The following NRSN2 variants were observed in gnomAD, a reference collection of about 807,000 sequenced individuals.
NRSN2 encodes the protein neurensin-2.
Under a neutral mutation model 11.1 loss-of-function variants are expected in NRSN2, and 10 were observed. The ratio of observed to expected loss-of-function variants is 0.90; its 90% CI spans 0.56 to 1.53. The LOEUF is 1.53. NRSN2 is among the 40% of genes most tolerant of loss of function. The pLI, the probability that NRSN2 is intolerant of heterozygous loss-of-function variation, is 0.00. For synonymous variants in NRSN2, 100 were observed against 117.0 expected, an observed-to-expected ratio of 0.86 and a Z score of 0.94; for missense variants, 260 against 273.7, an observed-to-expected ratio of 0.95 and a Z score of 0.35.
rs1951920889 is a variant in NRSN2 at position 347,156 on chromosome 20, TG to T, written c.-201+15del. On this transcript the variant is annotated intron_variant, in intron 1 of 4. Transcript: ENST00000382285. The surrounding 1 kb of genome is among the most constrained non-coding windows in gnomAD (Gnocchi z 7.0). ...GCAGGCAGAGAGGTGAGCTTAGCCC[TG>T]CCCCACGCGCGGCCAGGCCCCAGCC... 1 of 152,274 alleles carries T rather than the reference TG, an allele frequency of 6.6e-6. No individual in the cohort carries two copies. Among genetic ancestry groups the T allele is most frequent in the South Asian group, 2.1e-4 (1 of 4,830 alleles). 9.4% of individuals were successfully genotyped at this position (152,274 alleles called of 1,614,324 possible). A position where few individuals can be genotyped will look rare whatever the true frequency, so the allele number is the denominator to read the frequency against.
chr20:348,523 G>GTA (rs1284708709), intron 2 of NRSN2: 7 of 152,698 alleles, frequency 4.6e-5, no homozygotes, highest in African/African-American at 1.7e-4. Flanking sequence ...GTGTGTGTGT[G>GTA]TGTGTCGTAC....
At position 353,912 on chromosome 20, in the gene NRSN2, A is replaced by C; in HGVS notation, c.*277A>C. The C allele has an allele frequency of 1.3e-5, 6 of 468,998 alleles. No individual in the cohort carries two copies. The highest frequency in any genetic ancestry group is 4.1e-5 in the Admixed American group (1 of 24,432). The allele number at this position is 468,998 out of a possible 1,614,324, so 29.1% of individuals were successfully genotyped here. ...AAAACATCTCCTTCAACCCGTCCCC[A>C]CTCCTTCCTCTGCATGACCTTGGGC... On this transcript the variant is annotated 3_prime_UTR_variant, in exon 5 of 5. Coordinates refer to ENST00000382285, the MANE Select transcript of NRSN2 (RefSeq NM_001323682.2).
At chr20:350,646 C>CAAA (rs56188179) in intron 4 of NRSN2, among the ~76,000 whole-genome samples, 15 of 39,394 alleles carry the variant, frequency 3.8e-4, no homozygotes, top group African/African-American at 5.1e-4. Flanking sequence ...GACTCTGTCT[C>CAAA]AAAAAAAAAA....
rs146059094 is a variant in NRSN2 at position 349,823 on chromosome 20, G to A, written c.180G>A (p.Leu60=). Residue 60 remains leucine, a synonymous_variant, in exon 4 of 5, where the codon CTG becomes CTA. Coordinates refer to ENST00000382285, the MANE Select transcript of NRSN2 (RefSeq NM_001323682.2). Reference sequence around the variant, plus strand: ...GCCCCCGCCGGCCCTGGCCCTCACTGTGTTGGAAGGTAAGGCCAGATGAGC... The same window carrying A: ...GCCCCCGCCGGCCCTGGCCCTCACTATGTTGGAAGGTAAGGCCAGATGAGC... ...VLCPRRPWPS[L]CWKISLSSGT... is the part of the protein sequence containing the mutation. The A allele has an allele frequency of 2.7e-5, 43 of 1,612,964 alleles. No homozygotes were observed. In the African/African-American group the frequency reaches 5.5e-4, roughly 21 times the overall value.
At position 353,455 on chromosome 20, in the gene NRSN2, C is replaced by T. The variant is rs949114476; in HGVS notation, c.435C>T (p.Asp145=). 2.5e-6 allele frequency: 4 copies of T among 1,614,138 alleles called. No individual in the cohort carries two copies. The highest frequency in any genetic ancestry group is 3.4e-6 in the Non-Finnish European group (4 of 1,180,042). The change falls in exon 5 of 5, where the codon GAC becomes GAT. Residue 145 remains aspartate (D), a synonymous_variant. Coordinates refer to ENST00000382285, the MANE Select transcript of NRSN2 (RefSeq NM_001323682.2). Reference sequence around the variant, plus strand: ...CCATGATAGGCTGGCTGAGCCAGGACACCAAGGCAGAGCCCTTGGACCCCG... The same window carrying T: ...CCATGATAGGCTGGCTGAGCCAGGATACCAAGGCAGAGCCCTTGGACCCCG... ...FWAMIGWLSQ[D]TKAEPLDPEA... is the part of the protein sequence containing the mutation.
chr20:353,130 G>C (rs1409223148), intron 4 of NRSN2, 80 bp from the exon 5 acceptor site: 1 of 1,328,438 alleles, frequency 7.5e-7, no homozygotes, highest in East Asian at 2.3e-5. Context: ...CCTTAAGTCT[G>C]GTGAGGATCC....
chr20:348,484 CGTGTGTGTGT>C (rs57559955), intron 2 of NRSN2: 67 of 81,328 alleles, frequency 8.2e-4, no homozygotes, highest in South Asian at 3.4e-3. Flanking sequence ...AACCTCCAAC[CGTGTGTGTGT>C]GTGTGTGTGT....
chr20:349,542 G>T, intron 3 of NRSN2, 96 bp from the exon 4 acceptor site: 2 of 963,842 alleles, frequency 2.1e-6, no homozygotes, highest in Non-Finnish European at 1.5e-6. Flanking sequence ...GAGGAGAAGC[G>T]GGTGGGGCAC....
rs113248010 is a variant in NRSN2, at chr20:349,870, T to C, written c.189+38T>C. The C allele has an allele frequency of 4.5e-5, 70 of 1,563,338 alleles. No individual in the cohort carries two copies. The African/African-American group carries it at 5.4e-4, about 12-fold the overall frequency. On this transcript the variant is annotated intron_variant, in intron 4 of 4. Transcript: ENST00000382285. ...GAGCACCTCCCATGATTCCTCTGCC[T>C]TGATGGAGGAAATGAGTCTGAATTT...
chr20:347,174 G>GC lies in NRSN2; in HGVS notation c.-201+36dup, dbSNP rs1331806464. 1 of 152,334 alleles carries GC rather than the reference G, an allele frequency of 6.6e-6. No homozygotes were observed. Among genetic ancestry groups the GC allele is most frequent in the Non-Finnish European group, 1.5e-5 (1 of 68,240 alleles). 9.4% of individuals were successfully genotyped at this position (152,334 alleles called of 1,614,324 possible). ...TTAGCCCTGCCCCACGCGCGGCCAGGCCCCAGCCCCAGCCCCTGGAGAACC... is the reference window on the plus strand; with the variant it reads ...TTAGCCCTGCCCCACGCGCGGCCAGGCCCCCAGCCCCAGCCCCTGGAGAACC... On this transcript the variant is annotated intron_variant, in intron 1 of 4. Coordinates refer to ENST00000382285, the MANE Select transcript of NRSN2 (RefSeq NM_001323682.2). The surrounding 1 kb of genome is among the most constrained non-coding windows in gnomAD (Gnocchi z 7.0).
In NRSN2 at chr20:353,717, C is replaced by T. The variant is rs1459908907; in HGVS notation, c.*82C>T. On this transcript the variant is annotated 3_prime_UTR_variant, in exon 5 of 5. Coordinates refer to ENST00000382285, the MANE Select transcript of NRSN2 (RefSeq NM_001323682.2). ...CCCCCTCTCAGTGTTTCCCCAACTT[C>T]TCCCTTTTAGCAGGGTCCCTTTAGA... The T allele has an allele frequency of 3.5e-6, 5 of 1,437,334 alleles. No individual in the cohort carries two copies. Among genetic ancestry groups the T allele is most frequent in the African/African-American group, 1.4e-5 (1 of 69,910 alleles). The allele number at this position is 1,437,334 out of a possible 1,614,324, so 89.0% of individuals were successfully genotyped here.
At chr20:353,146 G>T in intron 4 of NRSN2, 64 bp from the exon 5 acceptor site, 1 of 1,476,736 alleles carries the variant, frequency 6.8e-7, no homozygotes. Flanking sequence ...GATCCAAGGT[G>T]ATCCCTTGGC....
chr20:349,392 C>G (rs1293221777), intron 3 of NRSN2, 29 bp downstream of exon 3: 1 of 383,568 alleles, frequency 2.6e-6, no homozygotes, highest in Non-Finnish European at 4.7e-6. Flanking sequence ...AGTAAACATG[C>G]ACATTTATTG....
chr20:349,632 C>A lies in NRSN2; in HGVS notation c.-6-6C>A. On this transcript the variant is annotated splice_polypyrimidine_tract_variant and splice_region_variant and intron_variant, in intron 3 of 4. Transcript: ENST00000382285. ...CTCCGTCAGCTGCACCTTACCTGCT[C>A]CCCAGGGGTCCATGATGCCGAGCTG... 6.2e-7 allele frequency: 1 copy of A among 1,606,282 alleles called. No homozygotes were observed. Among genetic ancestry groups the A allele is most frequent in the South Asian group, 1.1e-5 (1 of 90,624 alleles).
At chr20:351,043 A>G (rs990268357) in intron 4 of NRSN2, among the ~76,000 whole-genome samples, 10 of 152,292 alleles carry the variant, frequency 6.6e-5, no homozygotes, top group East Asian at 3.9e-4. Context: ...AGCTTAGCCA[A>G]CGTGGTGAAA....
rs190710203 is a variant in NRSN2, at chr20:348,974, T to G, written c.-121-275T>G. ...CCAATGGAGTCAAAATTCATTGGAA[T>G]CTGGAGGCTTTCAGGGGCAGTCCTG... On this transcript the variant is annotated intron_variant, in intron 2 of 4. Transcript: ENST00000382285. Among the ~76,000 whole-genome samples the G allele has an allele frequency of 8.1e-4, 124 of 152,244 alleles. 2 individuals carry two copies. The highest frequency in any genetic ancestry group is 4.7e-3 in the Admixed American group (72 of 15,296).
At position 353,783 on chromosome 20, in the gene NRSN2, T is replaced by C. The variant is rs2014187843; in HGVS notation, c.*148T>C. 1.2e-6 allele frequency: 1 copy of C among 852,396 alleles called. No individual in the cohort carries two copies. Among genetic ancestry groups the C allele is most frequent in the Non-Finnish European group, 1.8e-6 (1 of 570,436 alleles). 52.8% of individuals were successfully genotyped at this position (852,396 alleles called of 1,614,324 possible). A position where few individuals can be genotyped will look rare whatever the true frequency, so the allele number is the denominator to read the frequency against. The stretch of plus-strand genomic sequence containing the variant: ...AAATCTGGAGCTCAAATCCCAGTGC[T>C]CCCTCCCCAGGAGTGGGGCCCCAAC... On this transcript the variant is annotated 3_prime_UTR_variant, in exon 5 of 5. Coordinates refer to ENST00000382285, the MANE Select transcript of NRSN2 (RefSeq NM_001323682.2).
At chr20:353,173 A>C in intron 4 of NRSN2, 37 bp from the exon 5 acceptor site, 1 of 1,602,932 alleles carries the variant, frequency 6.2e-7, no homozygotes, top group Non-Finnish European at 8.5e-7. Flanking sequence ...CCCCTGGCTG[A>C]CCCTGACTGC....
rs947028413 is a variant in NRSN2, at chr20:347,263, G to A, written c.-201+121G>A. 6.6e-6 allele frequency: 1 copy of A among 152,578 alleles called. No individual in the cohort carries two copies. Among genetic ancestry groups the A allele is most frequent in the Non-Finnish European group, 1.5e-5 (1 of 68,350 alleles). 9.5% of individuals were successfully genotyped at this position (152,578 alleles called of 1,614,324 possible). On this transcript the variant is annotated intron_variant, in intron 1 of 4. Coordinates refer to ENST00000382285, the MANE Select transcript of NRSN2 (RefSeq NM_001323682.2). This position sits in a 1 kb window ranked among gnomAD's most constrained non-coding sequence, Gnocchi z 7.0. ...CGCCAGGGCCGGGACCTTTGCGCCT[G>A]AGCCTCGGCTTTGGGAGGTGGGGGT...
Sources: gnomAD v4.1 joint callset for allele counts (sites outside exome capture counted in the v4.1 genomes callset) on GRCh38, gnomAD v4.1.1 for gene constraint, Gnocchi (gnomAD v3.1) non-coding constraint, MANE v1.5 for transcripts, NCBI Gene and HGNC (gene_info 2026-07-23, HGNC 2026-07-21) for gene names.